Variants in ZNRF1 observed in about 807,000 individuals in gnomAD.
ZNRF1 encodes the protein E3 ubiquitin-protein ligase ZNRF1.
Under a neutral mutation model 18.4 loss-of-function variants are expected in ZNRF1, and 3 were observed. That is an observed-to-expected ratio of 0.16 (90% CI 0.07 to 0.42). The LOEUF is 0.42. Among genes scored for constraint, ZNRF1 ranks in the 10% least tolerant of loss-of-function variants. The pLI, the probability that ZNRF1 is intolerant of heterozygous loss-of-function variation, is 0.99. For synonymous variants in ZNRF1, 157 were observed against 144.2 expected (o/e 1.09, Z -0.64); for missense variants, 310 against 329.8 (o/e 0.94, Z 0.47).
At chr16:75,053,399 G>A (rs1399421507) in intron 1 of ZNRF1, among the ~76,000 whole-genome samples, 1 of 151,952 alleles carries the variant, frequency 6.6e-6, no homozygotes, top group Non-Finnish European at 1.5e-5. Flanking sequence ...GACTAGCCTG[G>A]CCAACATGGT....
chr16:75,063,954 T>C (rs974886546), intron 1 of ZNRF1, among the ~76,000 whole-genome samples: 7 of 152,196 alleles, frequency 4.6e-5, no homozygotes, highest in African/African-American at 1.7e-4. Flanking sequence ...GGCTTAGGAT[T>C]TTTGTTAAAA....
At chr16:75,022,577 A>C (rs1452118170) in intron 1 of ZNRF1, among the ~76,000 whole-genome samples, 1 of 151,888 alleles carries the variant, frequency 6.6e-6, no homozygotes, top group East Asian at 1.9e-4. Context: ...AAAAAAAAAC[A>C]AAACAAAAAA....
intron 1 of ZNRF1, among the ~76,000 whole-genome samples, chr16:75,092,782 G>A (rs552215242): frequency 6.6e-6 from 1 of 152,332 alleles, no homozygotes; most frequent in Admixed American, 6.5e-5. Flanking sequence ...GGGTGAGGGA[G>A]AGAGTTGCTA....
At chr16:75,051,538 G>GGA (rs2035605616) in intron 1 of ZNRF1, among the ~76,000 whole-genome samples, 4 of 150,164 alleles carry the variant, frequency 2.7e-5, no homozygotes, top group Non-Finnish European at 4.4e-5. Context: ...TTTTGGGGGG[G>GGA]ACGGAGTCTT....
chr16:75,103,966 CAG>C (rs1341027995), intron 2 of ZNRF1: 1 of 151,912 alleles, frequency 6.6e-6, no homozygotes, highest in Admixed American at 6.6e-5. Context: ...GTCTGGGTGA[CAG>C]AGTGAGACTC....
chr16:75,031,573 T>C (rs1438045865), intron 1 of ZNRF1, among the ~76,000 whole-genome samples: 1 of 152,120 alleles, frequency 6.6e-6, no homozygotes, highest in African/African-American at 2.4e-5. Flanking sequence ...AGTGGTGTGA[T>C]CTCAGCTCAC....
intron 1 of ZNRF1, among the ~76,000 whole-genome samples, chr16:75,034,458 A>G (rs1038872181): frequency 6.6e-5 from 10 of 152,186 alleles, no homozygotes; most frequent in African/African-American, 2.4e-4. Context: ...GTTGGAGCAA[A>G]TGTCAGAATT....
chr16:75,072,600 G>A (rs550716642), intron 1 of ZNRF1, among the ~76,000 whole-genome samples: 1 of 152,328 alleles, frequency 6.6e-6, no homozygotes, highest in African/African-American at 2.4e-5. Flanking sequence ...ACCCACTAGA[G>A]ACAGTAACGT....
intron 1 of ZNRF1, among the ~76,000 whole-genome samples, chr16:75,035,123 C>T (rs2035360838): frequency 6.7e-6 from 1 of 148,594 alleles, no homozygotes; most frequent in Non-Finnish European, 1.5e-5. Flanking sequence ...CCACCCTCCA[C>T]CCCCCCTCCC....
At chr16:75,014,414 GGT>G (rs1366901422) in intron 1 of ZNRF1, among the ~76,000 whole-genome samples, 2 of 151,930 alleles carry the variant, frequency 1.3e-5, no homozygotes, top group Non-Finnish European at 2.9e-5. Flanking sequence ...GATATTATGA[GGT>G]GTGTGTGTGT....
intron 1 of ZNRF1, among the ~76,000 whole-genome samples, chr16:75,005,939 T>TA (rs1248605020): frequency 6.6e-6 from 1 of 152,190 alleles, no homozygotes; most frequent in East Asian, 1.9e-4. Flanking sequence ...GCCTGCTACA[T>TA]ACCTAGATTA....
At position 75,108,893 on chromosome 16, in the gene ZNRF1, C is replaced by T. The variant is rs1391154922; in HGVS notation, c.*1193C>T. 1 of 247,928 alleles carries T rather than the reference C, an allele frequency of 4.0e-6. No individual in the cohort carries two copies. The highest frequency in any genetic ancestry group is 7.6e-5 in the East Asian group (1 of 13,224). The allele number at this position is 247,928 out of a possible 1,614,324, so 15.4% of individuals were successfully genotyped here. The stretch of plus-strand genomic sequence containing the variant: ...GGAGGGAGTGGCAAGTCAGGCGTGC[C>T]TCCTACAAGCTTCCTAACCTCTTAA... On this transcript the variant is annotated 3_prime_UTR_variant, in exon 5 of 5. Transcript: ENST00000335325.
intron 1 of ZNRF1, among the ~76,000 whole-genome samples, chr16:75,070,479 C>T (rs1237264939): frequency 6.6e-6 from 1 of 152,200 alleles, no homozygotes; most frequent in Non-Finnish European, 1.5e-5. Flanking sequence ...ATCCTGCTTT[C>T]CTCTTTAGCA....
chr16:75,076,089 G>C (rs2145406281), intron 1 of ZNRF1, among the ~76,000 whole-genome samples: 1 of 152,312 alleles, frequency 6.6e-6, no homozygotes, highest in South Asian at 2.1e-4. Flanking sequence ...ATGAGATATA[G>C]AGCCCTGGAG....
chr16:75,105,660 C>G (rs2036306828), intron 3 of ZNRF1: 1 of 152,312 alleles, frequency 6.6e-6, no homozygotes, highest in African/African-American at 2.4e-5. Flanking sequence ...GATTCTTGGT[C>G]TAGCTCCCAG....
At chr16:75,070,099 C>CA (rs1417365877) in intron 1 of ZNRF1, among the ~76,000 whole-genome samples, 12 of 152,014 alleles carry the variant, frequency 7.9e-5, no homozygotes, top group Non-Finnish European at 1.5e-4. Context: ...AAGGGGATGC[C>CA]AAAAAAACTC....
chr16:75,082,431 T>TA (rs1005468745), intron 1 of ZNRF1, among the ~76,000 whole-genome samples: 8 of 152,226 alleles, frequency 5.3e-5, no homozygotes, highest in Admixed American at 2.6e-4. Context: ...AGGCTGGACT[T>TA]ACTGTACAGC....
chr16:75,082,655 G>C (rs1203933130), intron 1 of ZNRF1, among the ~76,000 whole-genome samples: 6 of 152,190 alleles, frequency 3.9e-5, no homozygotes, highest in Non-Finnish European at 7.3e-5. Flanking sequence ...CTGGGCTCCA[G>C]CCATCCTCCT....
chr16:75,062,741 C>A (rs903390969), intron 1 of ZNRF1, among the ~76,000 whole-genome samples: 1 of 152,164 alleles, frequency 6.6e-6, no homozygotes, highest in African/African-American at 2.4e-5. Flanking sequence ...GAGAGGCGTC[C>A]GGAGGGCCTG....
Sources: gnomAD v4.1 joint callset for allele counts (sites outside exome capture counted in the v4.1 genomes callset) on GRCh38, gnomAD v4.1.1 for gene constraint, MANE v1.5 for transcripts, NCBI Gene and HGNC (gene_info 2026-07-23, HGNC 2026-07-21) for gene names.